CARMIL1: variants seen among roughly 807,000 people sequenced by gnomAD.
CARMIL1 encodes the protein F-actin-uncapping protein LRRC16A.
CARMIL1 carries 90 observed loss-of-function variants against 177.1 expected under a neutral mutation model. That is an observed-to-expected ratio of 0.51 (90% confidence interval 0.43 to 0.61). CARMIL1 has a LOEUF of 0.61. Ranked by LOEUF, CARMIL1 falls within the 20% of genes least tolerant of loss-of-function variation. The probability of loss-of-function intolerance (pLI) is 0.00; values close to 1 mark genes in which losing one functional copy is unlikely to be tolerated. For missense variants in CARMIL1, 1,380 were observed against 1,667.0 expected (o/e 0.83, Z 3.00); for synonymous variants, 577 against 606.2 (o/e 0.95, Z 0.71).
chr6:25,315,003 C>G (rs9348671), intron 2 of CARMIL1, among the ~76,000 whole-genome samples: 31,585 of 152,014 alleles, frequency 0.21, 4,224 homozygotes, highest in East Asian at 0.4. Context: ...AATACAATAG[C>G]TCCTATTTAT....
chr6:25,319,522 G>A (rs1234189940), intron 2 of CARMIL1, among the ~76,000 whole-genome samples: 1 of 152,012 alleles, frequency 6.6e-6, no homozygotes, highest in Non-Finnish European at 1.5e-5. Context: ...GAGAATGGTG[G>A]TCTTTTCAGT....
chr6:25,374,490 G>A (rs941454988), intron 2 of CARMIL1, among the ~76,000 whole-genome samples: 4 of 152,176 alleles, frequency 2.6e-5, no homozygotes, highest in African/African-American at 9.6e-5. Context: ...TGAGAAGAAC[G>A]TATATTTTGC....
intron 23 of CARMIL1, among the ~76,000 whole-genome samples, chr6:25,524,162 G>A (rs947904110): frequency 2.6e-4 from 40 of 152,206 alleles, no homozygotes; most frequent in African/African-American, 8.9e-4. Context: ...TAAACAACCC[G>A]CCCTCTCTAA....
At chr6:25,576,131 T>C (rs1046894993) in intron 29 of CARMIL1, among the ~76,000 whole-genome samples, 1 of 152,108 alleles carries the variant, frequency 6.6e-6, no homozygotes, top group African/African-American at 2.4e-5. Context: ...TTCATCATTA[T>C]TATTTCAGAA....
At position 25,606,208 on chromosome 6, in the gene CARMIL1, C is replaced by T; in HGVS notation, c.3782C>T (p.Ser1261Phe). The T allele has an allele frequency of 6.2e-7, 1 of 1,613,942 alleles. No homozygotes were observed. Among genetic ancestry groups the T allele is most frequent in the Non-Finnish European group, 8.5e-7 (1 of 1,179,876 alleles). Residue 1261 changes from serine to phenylalanine, a missense_variant, in exon 35 of 37, where the codon TCC becomes TTC. Ser to Phe is a radical substitution (Grantham distance 155). Coordinates refer to ENST00000329474, the MANE Select transcript of CARMIL1 (RefSeq NM_017640.6). ...TPTSPKPLLQ[S>F]PKPSLAARPV... ...ACGAGCCCGAAGCCCCTCCTGCAGT[C>T]CCCCAAACCCAGTCTGGCAGCACGG...
chr6:25,494,174 A>G (rs1326602279), intron 15 of CARMIL1, among the ~76,000 whole-genome samples: 1 of 151,470 alleles, frequency 6.6e-6, no homozygotes, highest in Non-Finnish European at 1.5e-5. Context: ...GTGCACAATG[A>G]AGGGGAACAT....
chr6:25,365,600 TG>T, intron 2 of CARMIL1, among the ~76,000 whole-genome samples: 1 of 152,198 alleles, frequency 6.6e-6, no homozygotes. Context: ...TCACCCAGAC[TG>T]GAGTGTTTTG....
chr6:25,329,389 T>C (rs116708110), intron 2 of CARMIL1, among the ~76,000 whole-genome samples: 314 of 152,326 alleles, frequency 2.1e-3, no homozygotes, highest in Non-Finnish European at 3.7e-3. Context: ...GTGATGCCCA[T>C]GTTGACTGCA....
At chr6:25,521,749 G>A (rs528793379) in intron 23 of CARMIL1, among the ~76,000 whole-genome samples, 1 of 141,580 alleles carries the variant, frequency 7.1e-6, no homozygotes, top group East Asian at 2.0e-4. Context: ...CAGCCTGGCC[G>A]ACAGAGCGAG....
chr6:25,435,818 T>C (rs796941516), intron 5 of CARMIL1, among the ~76,000 whole-genome samples: 2 of 152,302 alleles, frequency 1.3e-5, no homozygotes, highest in African/African-American at 4.8e-5. Context: ...AGAGCTTGAG[T>C]GATGAAAGGA....
In CARMIL1 at chr6:25,580,981, A is replaced by G; in HGVS notation, c.2800A>G (p.Arg934Gly). 6.3e-7 allele frequency: 1 copy of G among 1,598,600 alleles called. No individual in the cohort carries two copies. Among genetic ancestry groups the G allele is most frequent in the East Asian group, 2.2e-5 (1 of 44,458 alleles). Residue 934 changes from arginine to glycine, a missense_variant, in exon 30 of 37, where the codon AGG becomes GGG. Arg to Gly is a moderately radical substitution (Grantham distance 125). Coordinates refer to ENST00000329474, the MANE Select transcript of CARMIL1 (RefSeq NM_017640.6). ...IHSRMLRPVSRAFEMEFDLDK... is the reference protein window; with the variant it reads ...IHSRMLRPVSGAFEMEFDLDK... Reference sequence around the variant, plus strand: ...TAGCCGAATGCTGCGGCCTGTTTCTAGGGCTTTTGGTAAGTGTTTTGCTGC... The same window carrying G: ...TAGCCGAATGCTGCGGCCTGTTTCTGGGGCTTTTGGTAAGTGTTTTGCTGC...
In CARMIL1 at chr6:25,450,813, CCCTCCCCTTCCCTCCCCT is replaced by C. The variant is rs1203866069; in HGVS notation, c.614+103_614+120del. ...CCTCCCTCCCTTCCTCCCTCCCCTC[CCCTCCCCTTCCCTCCCCT>C]TCCCTCCCCTCCCCTTCCCTCCCCT... On this transcript the variant is annotated intron_variant, in intron 8 of 36. Transcript: ENST00000329474. 112 of 15,802 alleles carry C rather than the reference CCCTCCCCTTCCCTCCCCT, an allele frequency of 7.1e-3. 1 individual carries two copies. The highest frequency in any genetic ancestry group is 0.02 in the Admixed American group (19 of 958). 1.0% of individuals were successfully genotyped at this position (15,802 alleles called of 1,614,324 possible).
chr6:25,296,999 C>T (rs950090057), intron 2 of CARMIL1, among the ~76,000 whole-genome samples: 2 of 152,100 alleles, frequency 1.3e-5, no homozygotes, highest in Non-Finnish European at 2.9e-5. Flanking sequence ...CGCTTTGTTG[C>T]TCAGGCTGGT....
chr6:25,390,989 A>C (rs532495710), intron 2 of CARMIL1, among the ~76,000 whole-genome samples: 2 of 152,262 alleles, frequency 1.3e-5, no homozygotes, highest in African/African-American at 4.8e-5. Context: ...GGTGTGAGCC[A>C]CTGTGCCCAG....
chr6:25,393,556 CA>C (rs201908574), intron 2 of CARMIL1: 576 of 91,700 alleles, frequency 6.3e-3, no homozygotes, highest in South Asian at 7.9e-3. Context: ...AACTCCATCT[CA>C]AAAAAAAAAA....
chr6:25,420,063 C>G, intron 2 of CARMIL1, 51 bp from the exon 3 acceptor site: 1 of 1,456,474 alleles, frequency 6.9e-7, no homozygotes. Flanking sequence ...CCAAAGCCCA[C>G]TGGCCCCACT....
intron 16 of CARMIL1, among the ~76,000 whole-genome samples, chr6:25,498,938 G>A (rs1044082285): frequency 1.3e-5 from 2 of 152,186 alleles, no homozygotes; most frequent in Middle Eastern, 3.2e-3. Context: ...TAGAATAAGG[G>A]ATTAGTGAAC....
intron 2 of CARMIL1, among the ~76,000 whole-genome samples, chr6:25,349,752 T>C (rs1295082408): frequency 7.6e-6 from 1 of 132,032 alleles, no homozygotes. Flanking sequence ...TTTTTTGAGA[T>C]GGAGTCTTGT....
At chr6:25,496,993 T>C (rs1482247623) in intron 16 of CARMIL1, among the ~76,000 whole-genome samples, 17 of 152,192 alleles carry the variant, frequency 1.1e-4, no homozygotes. Context: ...TATTTTGTAA[T>C]TGTTAAATCT....
Sources: allele counts gnomAD v4.1 joint callset (sites outside exome capture counted in the v4.1 genomes callset), GRCh38; gene constraint gnomAD v4.1.1; transcripts MANE v1.5; gene names NCBI Gene and HGNC (gene_info 2026-07-23, HGNC 2026-07-21).